C8orf34: variants seen among roughly 807,000 people sequenced by gnomAD.
C8orf34 encodes the protein chromosome 8 open reading frame 34, also known as uncharacterized protein C8orf34.
In C8orf34, 65 loss-of-function variants were observed where a neutral mutation model predicts 68.3. The observed-to-expected ratio is 0.95, with a 90% confidence interval of 0.78 to 1.17. The LOEUF (loss-of-function observed/expected upper bound fraction) is 1.17. C8orf34 is among the 50% of genes most tolerant of loss of function. The pLI, the probability that C8orf34 is intolerant of heterozygous loss-of-function variation, is 0.00. For missense variants in C8orf34, 664 were observed against 655.4 expected, an observed-to-expected ratio of 1.01 and a Z score of -0.14; for synonymous variants, 244 against 241.2, an observed-to-expected ratio of 1.01 and a Z score of -0.11.
At chr8:68,440,809 A>ATTTT (rs11454498) in intron 2 of C8orf34, among the ~76,000 whole-genome samples, 2 of 146,526 alleles carry the variant, frequency 1.4e-5, no homozygotes, top group South Asian at 2.2e-4. Context: ...TAAACTCTGC[A>ATTTT]TTTTTTTTTT....
chr8:68,785,939 T>G (rs1823832767), intron 11 of C8orf34, among the ~76,000 whole-genome samples: 1 of 152,238 alleles, frequency 6.6e-6, no homozygotes, highest in East Asian at 1.9e-4. Context: ...CCGTGGCAGA[T>G]AGAATATTTA....
chr8:68,512,290 A>T (rs1814309704), intron 5 of C8orf34, among the ~76,000 whole-genome samples: 1 of 152,206 alleles, frequency 6.6e-6, no homozygotes, highest in Non-Finnish European at 1.5e-5. Context: ...TGGAACATAC[A>T]TTAGCGTTAT....
intron 1 of C8orf34, among the ~76,000 whole-genome samples, chr8:68,421,179 C>T (rs1809953869): frequency 1.3e-5 from 2 of 152,198 alleles, no homozygotes; most frequent in Non-Finnish European, 2.9e-5. Flanking sequence ...CATAGACTCA[C>T]TTTCCCTGTT....
At chr8:68,531,014 A>G (rs1349425324) in intron 6 of C8orf34, among the ~76,000 whole-genome samples, 1 of 152,130 alleles carries the variant, frequency 6.6e-6, no homozygotes, top group Non-Finnish European at 1.5e-5. Flanking sequence ...TGAACATTTT[A>G]CCATCTTTAT....
chr8:68,659,672 G>A lies in C8orf34; in HGVS notation c.1241+19161G>A, dbSNP rs138287282. ...TCCTTGACTCTGAAAAACAGAACAAGGATCAGCAACATTTTAAGCAAAAAG... is the reference window on the plus strand; with the variant it reads ...TCCTTGACTCTGAAAAACAGAACAAAGATCAGCAACATTTTAAGCAAAAAG... On this transcript the variant is annotated intron_variant, in intron 8 of 13. Transcript: ENST00000518698. 3.5e-3 allele frequency among the ~76,000 whole-genome samples: 535 copies of A among 152,146 alleles called. 4 individuals carry two copies. The highest frequency in any genetic ancestry group is 0.012 in the African/African-American group (511 of 41,510).
intron 7 of C8orf34, chr8:68,625,694 A>G (rs117389843): frequency 0.017 from 11,657 of 668,378 alleles, 128 homozygotes; most frequent in Non-Finnish European, 0.022. Flanking sequence ...GCACACCACA[A>G]GGGAGTGTGA....
At chr8:68,744,005 C>A (rs1410765287) in intron 10 of C8orf34, among the ~76,000 whole-genome samples, 3 of 150,346 alleles carry the variant, frequency 2.0e-5, no homozygotes, top group Non-Finnish European at 3.0e-5. Context: ...TTGAAGAGAG[C>A]AGTGGTTCTC....
At chr8:68,688,787 GA>G (rs1306301736) in intron 8 of C8orf34, among the ~76,000 whole-genome samples, 1 of 152,042 alleles carries the variant, frequency 6.6e-6, no homozygotes, top group African/African-American at 2.4e-5. Context: ...TGAACAACGA[GA>G]ACGTGGACAT....
At chr8:68,720,448 T>C (rs529851834) in intron 9 of C8orf34, among the ~76,000 whole-genome samples, 1 of 152,044 alleles carries the variant, frequency 6.6e-6, no homozygotes, top group South Asian at 2.1e-4. Flanking sequence ...TTACAGAGTA[T>C]ACATTTTATG....
chr8:68,687,047 A>C (rs1157829895), intron 8 of C8orf34, among the ~76,000 whole-genome samples: 1 of 152,098 alleles, frequency 6.6e-6, no homozygotes, highest in African/African-American at 2.4e-5. Flanking sequence ...ACCTAGGAAT[A>C]TACTTAACCA....
chr8:68,495,080 G>A (rs888139251), intron 5 of C8orf34, among the ~76,000 whole-genome samples: 23 of 151,740 alleles, frequency 1.5e-4, no homozygotes, highest in Admixed American at 1.2e-3. Flanking sequence ...GGTCTCAATA[G>A]CGAAGTACAG....
chr8:68,696,190 A>G (rs766888892), intron 8 of C8orf34, among the ~76,000 whole-genome samples: 1 of 149,952 alleles, frequency 6.7e-6, no homozygotes, highest in Non-Finnish European at 1.5e-5. Flanking sequence ...AGACACTAAT[A>G]TGTGTATATA....
intron 1 of C8orf34, among the ~76,000 whole-genome samples, chr8:68,405,328 T>G (rs957231852): frequency 6.6e-6 from 1 of 152,118 alleles, no homozygotes; most frequent in Non-Finnish European, 1.5e-5. Flanking sequence ...AAGAGTTTGG[T>G]TTATTCTCAG....
intron 8 of C8orf34, among the ~76,000 whole-genome samples, chr8:68,646,196 C>T (rs149816439): frequency 6.6e-6 from 1 of 152,194 alleles, no homozygotes; most frequent in East Asian, 1.9e-4. Flanking sequence ...CCCCTACTGT[C>T]ACAGTGTCTG....
At chr8:68,472,723 G>T (rs142757450) in intron 4 of C8orf34, among the ~76,000 whole-genome samples, 71 of 152,212 alleles carry the variant, frequency 4.7e-4, no homozygotes, top group African/African-American at 1.3e-3. Context: ...AAAAGGAAAC[G>T]TGAAAACAAT....
At chr8:68,769,372 T>C (rs1213856031) in intron 10 of C8orf34, among the ~76,000 whole-genome samples, 1 of 152,000 alleles carries the variant, frequency 6.6e-6, no homozygotes, top group Non-Finnish European at 1.5e-5. Flanking sequence ...TTGTTTCTCC[T>C]TATGGTTTTT....
rs146823160 is a variant in C8orf34 at position 68,818,097 on chromosome 8, A to T, written c.1610-142A>T. 2.5e-3 allele frequency: 1,707 copies of T among 695,148 alleles called. 21 individuals are homozygous for T. In the African/African-American group the frequency reaches 0.026, roughly 11 times the overall value. The allele number at this position is 695,148 out of a possible 1,614,324, so 43.1% of individuals were successfully genotyped here. The stretch of plus-strand genomic sequence containing the variant: ...TATTGGCTGCAAATATGATTAATAG[A>T]GGTAGTATTCTAATGTCAATATCCT... On this transcript the variant is annotated intron_variant, in intron 13 of 13. Transcript: ENST00000518698.
chr8:68,709,394 A>G (rs1821269002), intron 9 of C8orf34, among the ~76,000 whole-genome samples: 1 of 152,126 alleles, frequency 6.6e-6, no homozygotes, highest in African/African-American at 2.4e-5. Flanking sequence ...AGAAACCCAC[A>G]TTGTCAGCTG....
rs187538578 is a variant in C8orf34, at chr8:68,396,360, C to G, written c.328-43139C>G. On this transcript the variant is annotated intron_variant, in intron 1 of 13. Transcript: ENST00000518698. The stretch of plus-strand genomic sequence containing the variant: ...ATTAATTATAAAGCCCATCTTGTAC[C>G]ATATGTAGCACAACTCTTAAGGCTT... Among the ~76,000 whole-genome samples the G allele has an allele frequency of 1.3e-4, 19 of 151,810 alleles. 1 individual carries two copies. In the East Asian group the frequency reaches 2.9e-3, roughly 23 times the overall value.
Sources: gnomAD v4.1 joint callset for allele counts (sites outside exome capture counted in the v4.1 genomes callset) on GRCh38, gnomAD v4.1.1 for gene constraint, MANE v1.5 for transcripts, NCBI Gene and HGNC (gene_info 2026-07-23, HGNC 2026-07-21) for gene names.